ZSCAN5A: variants seen among roughly 807,000 people sequenced by gnomAD.
ZSCAN5A encodes the protein zinc finger and SCAN domain-containing protein 5A.
In ZSCAN5A, 12 loss-of-function variants were observed where a neutral mutation model predicts 23.7. That is an observed-to-expected ratio of 0.51 (90% CI 0.32 to 0.82). The LOEUF (loss-of-function observed/expected upper bound fraction) is 0.82, where lower values mean the gene tolerates loss of function less well. Among genes scored for constraint, ZSCAN5A ranks in the 40% least tolerant of loss-of-function variants. The pLI is 0.03. For missense variants in ZSCAN5A, 597 were observed against 617.9 expected (o/e 0.97, Z 0.36); for synonymous variants, 257 against 239.9 (o/e 1.07, Z -0.66).
At chr19:56,227,390 G>C (rs1201006930) in intron 2 of ZSCAN5A, among the ~76,000 whole-genome samples, 1 of 152,218 alleles carries the variant, frequency 6.6e-6, no homozygotes, top group Non-Finnish European at 1.5e-5. Flanking sequence ...AATTAAAAGT[G>C]GTTTTGCCAG....
chr19:56,245,141 G>C lies in ZSCAN5A; in HGVS notation c.-127-19968C>G, dbSNP rs1263237152. The C allele has an allele frequency of 1.1e-5, 5 of 440,722 alleles. No individual in the cohort carries two copies. In the Admixed American group the frequency reaches 1.4e-4, roughly 12 times the overall value. The allele number at this position is 440,722 out of a possible 1,614,324, so 27.3% of individuals were successfully genotyped here. On this transcript the variant is annotated intron_variant, in intron 2 of 5. Transcript: ENST00000683990. ...ATTTGAACATTACAGTAAAGTGTGA[G>C]CATTATGGCAGGACCCAGGGAATAT...
At chr19:56,302,430 CCCTT>C (rs141392462) in intron 2 of ZSCAN5A, among the ~76,000 whole-genome samples, 13,428 of 135,044 alleles carry the variant, frequency 0.099, 669 homozygotes, top group Middle Eastern at 0.12. Context: ...CTCCCTTTCT[CCCTT>C]CCTTCCTTTC....
intron 2 of ZSCAN5A, among the ~76,000 whole-genome samples, chr19:56,330,794 T>A (rs1390442012): frequency 6.6e-6 from 1 of 152,078 alleles, no homozygotes; most frequent in Non-Finnish European, 1.5e-5. Flanking sequence ...TACTCTGTTA[T>A]TAGTTTCGTT....
chr19:56,245,272 C>T (rs572803606), intron 2 of ZSCAN5A: 8 of 706,270 alleles, frequency 1.1e-5, no homozygotes, highest in East Asian at 5.4e-5. Context: ...AATCAGATGT[C>T]GAGATGGCTG....
intron 2 of ZSCAN5A, among the ~76,000 whole-genome samples, chr19:56,286,178 T>C (rs1306576499): frequency 1.3e-5 from 2 of 151,878 alleles, no homozygotes; most frequent in Non-Finnish European, 2.9e-5. Flanking sequence ...CCCACCACCA[T>C]GCTCGGCTAA....
At chr19:56,313,260 A>G (rs773513808) in intron 2 of ZSCAN5A, 23 bp downstream of exon 2, 1 of 349,024 alleles carries the variant, frequency 2.9e-6, no homozygotes, top group South Asian at 2.2e-5. Flanking sequence ...GCAATTTACA[A>G]AAGAAAGGTT....
intron 2 of ZSCAN5A, among the ~76,000 whole-genome samples, chr19:56,273,736 A>G (rs534451452): frequency 1.3e-5 from 2 of 152,140 alleles, no homozygotes; most frequent in African/African-American, 4.8e-5. Context: ...TACAAGTAAG[A>G]AGAGACAGGA....
intron 2 of ZSCAN5A, among the ~76,000 whole-genome samples, chr19:56,268,529 T>C (rs1466728304): frequency 6.6e-6 from 1 of 152,254 alleles, no homozygotes; most frequent in African/African-American, 2.4e-5. Flanking sequence ...ACAGTCCCTA[T>C]GCTTGTACTG....
chr19:56,322,350 C>G, intron 2 of ZSCAN5A: 1 of 781,444 alleles, frequency 1.3e-6, no homozygotes, highest in Admixed American at 1.7e-5. Flanking sequence ...GCCGCCAGAT[C>G]TGGCTTCCCC....
At chr19:56,338,586 G>C (rs541489619) in intron 2 of ZSCAN5A, 1 of 152,206 alleles carries the variant, frequency 6.6e-6, no homozygotes, top group Non-Finnish European at 1.5e-5. Context: ...GAACCAAGAA[G>C]CCCAAATAGC....
intron 2 of ZSCAN5A, among the ~76,000 whole-genome samples, chr19:56,279,281 CT>C (rs754688061): frequency 1.3e-5 from 2 of 151,900 alleles, no homozygotes; most frequent in East Asian, 3.9e-4. Context: ...AAAAAGATCT[CT>C]TTTTTTTCCA....
At chr19:56,326,669 C>A (rs892241580) in intron 2 of ZSCAN5A, among the ~76,000 whole-genome samples, 2 of 152,100 alleles carry the variant, frequency 1.3e-5, no homozygotes, top group South Asian at 4.1e-4. Context: ...AATGACACCC[C>A]CACCCACACA....
At chr19:56,282,826 A>G (rs2038815210) in intron 2 of ZSCAN5A, among the ~76,000 whole-genome samples, 1 of 152,250 alleles carries the variant, frequency 6.6e-6, no homozygotes, top group South Asian at 2.1e-4. Flanking sequence ...GTTAGACACA[A>G]TGACTTACAT....
intron 2 of ZSCAN5A, among the ~76,000 whole-genome samples, chr19:56,232,029 C>T (rs898017570): frequency 8.6e-6 from 1 of 115,996 alleles, no homozygotes; most frequent in Non-Finnish European, 1.7e-5. Context: ...GCTCTGTTGC[C>T]CAGGCTGCAG....
intron 1 of ZSCAN5A, among the ~76,000 whole-genome samples, chr19:56,363,849 G>A (rs927454188): frequency 2.0e-5 from 3 of 152,194 alleles, no homozygotes; most frequent in Non-Finnish European, 2.9e-5. Flanking sequence ...AATGACCTAA[G>A]GTTGGAAATT....
intron 2 of ZSCAN5A, among the ~76,000 whole-genome samples, chr19:56,238,137 C>T (rs2035136031): frequency 6.6e-6 from 1 of 150,778 alleles, no homozygotes. Context: ...CAGACACACA[C>T]ATGGACATAC....
intron 2 of ZSCAN5A, among the ~76,000 whole-genome samples, chr19:56,287,912 C>T (rs533298579): frequency 7.2e-5 from 11 of 152,364 alleles, no homozygotes; most frequent in South Asian, 4.1e-4. Context: ...GTGACCAGCT[C>T]GTCCCAGGAC....
At chr19:56,277,370 C>T (rs1190193869) in intron 2 of ZSCAN5A, among the ~76,000 whole-genome samples, 1 of 152,178 alleles carries the variant, frequency 6.6e-6, no homozygotes, top group East Asian at 1.9e-4. Context: ...AAACAAAGTT[C>T]TGATGCATTC....
intron 2 of ZSCAN5A, chr19:56,299,976 GT>G (rs2040124046): frequency 6.6e-6 from 1 of 152,094 alleles, no homozygotes; most frequent in Non-Finnish European, 1.5e-5. Flanking sequence ...CAAGAGAAAG[GT>G]AATAATAGGC....
Sources: gnomAD v4.1 joint callset for allele counts (sites outside exome capture counted in the v4.1 genomes callset) on GRCh38, gnomAD v4.1.1 for gene constraint, MANE v1.5 for transcripts, NCBI Gene and HGNC (gene_info 2026-07-23, HGNC 2026-07-21) for gene names.